The following CDH13 variants were observed in gnomAD, a reference collection of about 807,000 sequenced individuals.
CDH13 encodes the protein cadherin 13.
In CDH13, 24 loss-of-function variants were observed where a neutral mutation model predicts 63.8. The observed-to-expected ratio is 0.38, with a 90% CI of 0.27 to 0.53. CDH13 has a LOEUF of 0.53. Among genes scored for constraint, CDH13 ranks in the 20% least tolerant of loss-of-function variants. The probability of loss-of-function intolerance (pLI) is 0.85; values close to 1 mark genes in which losing one functional copy is unlikely to be tolerated. For missense variants in CDH13, 1,049 were observed against 903.1 expected (o/e 1.16, Z -2.07); for synonymous variants, 503 against 355.3 (o/e 1.42, Z -4.67).
intron 8 of CDH13, among the ~76,000 whole-genome samples, chr16:83,661,573 T>C (rs567628035): frequency 2.0e-5 from 3 of 152,178 alleles, no homozygotes; most frequent in African/African-American, 7.2e-5. Context: ...TCAGTGGCCA[T>C]GTCTTTTCAT....
chr16:83,176,207 A>G (rs1352640573), intron 4 of CDH13, among the ~76,000 whole-genome samples: 1 of 151,762 alleles, frequency 6.6e-6, no homozygotes, highest in Non-Finnish European at 1.5e-5. Context: ...AATGACTTGT[A>G]AAACGTTGTA....
chr16:83,723,437 G>A (rs1286185104), intron 10 of CDH13, among the ~76,000 whole-genome samples: 1 of 152,186 alleles, frequency 6.6e-6, no homozygotes, highest in African/African-American at 2.4e-5. Flanking sequence ...CTGCTTAGCT[G>A]GAGGCTCCTC....
intron 2 of CDH13, among the ~76,000 whole-genome samples, chr16:82,988,487 C>G (rs1374516115): frequency 1.3e-5 from 2 of 152,104 alleles, no homozygotes; most frequent in Admixed American, 6.5e-5. Context: ...ATCGGCCAGG[C>G]ACAGTGGCTC....
intron 3 of CDH13, among the ~76,000 whole-genome samples, chr16:83,035,833 C>T (rs146105923): frequency 3.7e-4 from 57 of 152,260 alleles, no homozygotes; most frequent in African/African-American, 1.3e-3. Flanking sequence ...TTTGGATCTT[C>T]CTGTGGATTC....
intron 6 of CDH13, among the ~76,000 whole-genome samples, chr16:83,398,733 C>A (rs1346750827): frequency 6.6e-6 from 1 of 152,162 alleles, no homozygotes; most frequent in Non-Finnish European, 1.5e-5. Context: ...GCTTGGACTG[C>A]TGCTCCAAAG....
At chr16:83,079,925 A>G (rs750326633) in intron 3 of CDH13, among the ~76,000 whole-genome samples, 1 of 152,256 alleles carries the variant, frequency 6.6e-6, no homozygotes, top group Non-Finnish European at 1.5e-5. Flanking sequence ...GCTGATAGAC[A>G]ATGTCAACTG....
At chr16:82,912,655 G>T (rs956105383) in intron 2 of CDH13, among the ~76,000 whole-genome samples, 1 of 152,184 alleles carries the variant, frequency 6.6e-6, no homozygotes, top group African/African-American at 2.4e-5. Flanking sequence ...GAAAGAGAGT[G>T]GTGACTCGCC....
At chr16:83,698,540 G>A (rs1025810759) in intron 10 of CDH13, among the ~76,000 whole-genome samples, 1 of 152,186 alleles carries the variant, frequency 6.6e-6, no homozygotes, top group Non-Finnish European at 1.5e-5. Context: ...AGGAGCATCT[G>A]TTTTGTGCTT....
At chr16:83,337,906 T>C (rs918770) in intron 5 of CDH13, among the ~76,000 whole-genome samples, 50,154 of 151,630 alleles carry the variant, frequency 0.33, 8,473 homozygotes, top group East Asian at 0.49. Context: ...AGCTACTAAG[T>C]AAATAGCTTA....
At chr16:82,671,358 G>A (rs1913221094) in intron 1 of CDH13, among the ~76,000 whole-genome samples, 1 of 152,212 alleles carries the variant, frequency 6.6e-6, no homozygotes, top group Non-Finnish European at 1.5e-5. Context: ...CGAGGTGGCA[G>A]TGCAGTACCT....
intron 1 of CDH13, among the ~76,000 whole-genome samples, chr16:82,680,563 G>A (rs1914433594): frequency 6.6e-6 from 1 of 152,108 alleles, no homozygotes; most frequent in Non-Finnish European, 1.5e-5. Flanking sequence ...TCCAAAATAT[G>A]CTTCAGTGAC....
chr16:83,393,244 G>A (rs1261226796), intron 6 of CDH13, among the ~76,000 whole-genome samples: 1 of 152,114 alleles, frequency 6.6e-6, no homozygotes, highest in Non-Finnish European at 1.5e-5. Flanking sequence ...GAGGCATTTG[G>A]CTCTGCACTG....
At chr16:82,844,669 T>G (rs1176605195) in intron 1 of CDH13, 2 of 133,916 alleles carry the variant, frequency 1.5e-5, no homozygotes, top group Non-Finnish European at 3.1e-5. Flanking sequence ...AGACAGAGTC[T>G]CGCTCTGTCA....
At chr16:82,867,450 C>T (rs973005348) in intron 2 of CDH13, among the ~76,000 whole-genome samples, 8 of 152,130 alleles carry the variant, frequency 5.3e-5, no homozygotes, top group African/African-American at 1.9e-4. Flanking sequence ...TTTTTCTATT[C>T]TGGATGGACC....
chr16:82,719,465 A>T (rs1241511381), intron 1 of CDH13: 1 of 455,636 alleles, frequency 2.2e-6, no homozygotes, highest in African/African-American at 2.0e-5. Context: ...GGAAGGAATG[A>T]TGCCAACTTC....
intron 1 of CDH13, among the ~76,000 whole-genome samples, chr16:82,786,917 G>A (rs1395646401): frequency 6.6e-6 from 1 of 152,000 alleles, no homozygotes; most frequent in Non-Finnish European, 1.5e-5. Context: ...ATTGGACAAG[G>A]GTCATGACTG....
At position 83,212,310 on chromosome 16, in the gene CDH13, G is replaced by A. The variant is rs372716017; in HGVS notation, c.484-5035G>A. 7.9e-4 allele frequency among the ~76,000 whole-genome samples: 120 copies of A among 152,294 alleles called. No homozygotes were observed. In the South Asian group the frequency reaches 0.024, roughly 30 times the overall value. On this transcript the variant is annotated intron_variant, in intron 4 of 13. Coordinates refer to ENST00000567109, the MANE Select transcript of CDH13 (RefSeq NM_001257.5). The stretch of plus-strand genomic sequence containing the variant: ...ATGCTGGGGTCCCTCTGAAAACCCA[G>A]CTAGGCACCAAGAAGCCAGAGAGGT...
chr16:82,973,455 A>G (rs1402921341), intron 2 of CDH13, among the ~76,000 whole-genome samples: 1 of 152,226 alleles, frequency 6.6e-6, no homozygotes, highest in East Asian at 1.9e-4. Context: ...TCACTGTTCA[A>G]TTTAACAAAA....
rs149424423 is a variant in CDH13, at chr16:83,288,450, G to A, written c.637-56412G>A. ...GGATCATGTTTAGTAACAAGGAGAC[G>A]GAAGGTGGAGGATATGAGAGGCTGA... On this transcript the variant is annotated intron_variant, in intron 5 of 13. Transcript: ENST00000567109. 1.1e-4 allele frequency among the ~76,000 whole-genome samples: 17 copies of A among 152,300 alleles called. 1 individual carries two copies. The highest frequency in any genetic ancestry group is 3.1e-4 in the African/African-American group (13 of 41,566).
Sources: gnomAD v4.1 joint callset for allele counts (sites outside exome capture counted in the v4.1 genomes callset) on GRCh38, gnomAD v4.1.1 for gene constraint, MANE v1.5 for transcripts, NCBI Gene and HGNC (gene_info 2026-07-23, HGNC 2026-07-21) for gene names.